The following IL1RAPL2 variants were observed in gnomAD, a reference collection of about 807,000 sequenced individuals.
IL1RAPL2 encodes interleukin 1 receptor accessory protein like 2.
A neutral mutation model predicts 44.1 loss-of-function variants in IL1RAPL2; 3 were observed. The ratio of observed to expected loss-of-function variants is 0.07; its 90% CI spans 0.03 to 0.18. IL1RAPL2 has a LOEUF of 0.18. Among genes scored for constraint, IL1RAPL2 ranks in the 10% least tolerant of loss-of-function variants. The pLI is 1.00. For synonymous variants in IL1RAPL2, 181 were observed against 178.8 expected (o/e 1.01, Z -0.10); for missense variants, 391 against 496.4 (o/e 0.79, Z 2.02).
At chrX:105,593,302 G>A (rs754706061) in intron 6 of IL1RAPL2, among the ~76,000 whole-genome samples, 1 of 111,516 alleles carries the variant, frequency 9.0e-6, no homozygotes. Flanking sequence ...TTTTTAAAAT[G>A]GCTATTTTGT....
chrX:105,361,446 G>A (rs931691181), intron 5 of IL1RAPL2, among the ~76,000 whole-genome samples: 6 of 111,374 alleles, frequency 5.4e-5, no homozygotes, highest in Non-Finnish European at 7.6e-5. Flanking sequence ...AAGAGTTGAA[G>A]CAGATTGCAA....
intron 6 of IL1RAPL2, among the ~76,000 whole-genome samples, chrX:105,627,676 A>T (rs1296990273): frequency 8.9e-6 from 1 of 111,957 alleles, no homozygotes; most frequent in African/African-American, 3.2e-5. Flanking sequence ...CAGAAAGTTG[A>T]TCTCTTAATG....
chrX:105,124,097 T>C (rs1359776888), intron 2 of IL1RAPL2, among the ~76,000 whole-genome samples: 2 of 111,442 alleles, frequency 1.8e-5, no homozygotes, highest in Non-Finnish European at 3.8e-5. Context: ...CATTTGTAAA[T>C]TGGCTTATAA....
chrX:105,740,419 C>A (rs868266480), intron 7 of IL1RAPL2, 127 bp from the exon 8 acceptor site: 5 of 608,495 alleles, frequency 8.2e-6, no homozygotes, highest in Middle Eastern at 4.4e-4. Context: ...CACACATACA[C>A]CCAGCCAGGA....
intron 2 of IL1RAPL2, among the ~76,000 whole-genome samples, chrX:104,889,954 C>A (rs1923372707): frequency 9.0e-6 from 1 of 110,682 alleles, no homozygotes; most frequent in Admixed American, 9.6e-5. Flanking sequence ...CCCCCCTACC[C>A]CCAACCCAAG....
chrX:104,826,938 C>CTTTTTTTTTTTTTTTTT (rs1176113214), intron 2 of IL1RAPL2, among the ~76,000 whole-genome samples: 43 of 34,870 alleles, frequency 1.2e-3, no homozygotes, highest in Admixed American at 1.8e-3. Context: ...GCAACCCCTG[C>CTTTTTTTTTTTTTTTTT]TTTTTTTTTT....
chrX:105,126,736 G>C (rs948219168), intron 2 of IL1RAPL2, among the ~76,000 whole-genome samples: 1 of 111,068 alleles, frequency 9.0e-6, no homozygotes, highest in Non-Finnish European at 1.9e-5. Context: ...CTTTATCTTA[G>C]TTCTCATTAT....
chrX:105,512,788 CTTTAAG>C (rs1283304954), intron 6 of IL1RAPL2, among the ~76,000 whole-genome samples: 5 of 111,172 alleles, frequency 4.5e-5, no homozygotes, highest in Admixed American at 1.9e-4. Flanking sequence ...TATTTTTATA[CTTTAAG>C]TTCTGGGGTA....
chrX:105,333,947 A>G (rs978985780), intron 5 of IL1RAPL2, among the ~76,000 whole-genome samples: 4 of 111,940 alleles, frequency 3.6e-5, no homozygotes, highest in Non-Finnish European at 7.5e-5. Flanking sequence ...TACAACCACT[A>G]TGGAGTCCAA....
At chrX:105,559,278 G>A (rs1448845645) in intron 6 of IL1RAPL2, among the ~76,000 whole-genome samples, 1 of 111,601 alleles carries the variant, frequency 9.0e-6, no homozygotes, top group Non-Finnish European at 1.9e-5. Flanking sequence ...AGAGTTTGTG[G>A]ATTTTTAATC....
At chrX:104,663,218 A>G (rs1569292278) in intron 2 of IL1RAPL2, among the ~76,000 whole-genome samples, 1 of 111,724 alleles carries the variant, frequency 9.0e-6, no homozygotes, top group Non-Finnish European at 1.9e-5. Context: ...TAGAATTTCC[A>G]GTTAGATAAC....
chrX:104,590,479 A>G (rs978171063), intron 1 of IL1RAPL2, among the ~76,000 whole-genome samples: 1 of 112,308 alleles, frequency 8.9e-6, no homozygotes, highest in Non-Finnish European at 1.9e-5. Context: ...TAGATGGAAC[A>G]TTCTCAAAAA....
At chrX:105,211,434 T>C (rs1402069042) in intron 3 of IL1RAPL2, among the ~76,000 whole-genome samples, 1 of 111,111 alleles carries the variant, frequency 9.0e-6, no homozygotes, top group African/African-American at 3.3e-5. Context: ...CATGTCGATT[T>C]GAGTCAATCA....
intron 2 of IL1RAPL2, among the ~76,000 whole-genome samples, chrX:104,894,781 C>T (rs960597594): frequency 8.9e-6 from 1 of 112,446 alleles, no homozygotes; most frequent in Non-Finnish European, 1.9e-5. Flanking sequence ...CTTCTTGTCT[C>T]AACTCATCAA....
intron 2 of IL1RAPL2, among the ~76,000 whole-genome samples, chrX:104,913,477 G>T (rs1055467216): frequency 9.0e-6 from 1 of 111,674 alleles, no homozygotes; most frequent in Non-Finnish European, 1.9e-5. Flanking sequence ...TGTTTGCTCT[G>T]GGTAGCCTAT....
intron 2 of IL1RAPL2, among the ~76,000 whole-genome samples, chrX:105,002,027 C>T (rs750597676): frequency 6.3e-5 from 7 of 110,698 alleles, no homozygotes; most frequent in Non-Finnish European, 1.3e-4. Context: ...TTCTGCAGAA[C>T]GAATTTCGGA....
intron 2 of IL1RAPL2, among the ~76,000 whole-genome samples, chrX:104,860,499 T>A (rs1922464915): frequency 8.9e-6 from 1 of 111,745 alleles, no homozygotes; most frequent in South Asian, 3.7e-4. Flanking sequence ...GTATAAAACA[T>A]CATCCTTACC....
rs139511234 is a variant in IL1RAPL2 at position 105,256,970 on chromosome X, T to C, written c.544-10418T>C. 1.8e-4 allele frequency among the ~76,000 whole-genome samples: 20 copies of C among 111,781 alleles called. No individual in the cohort carries two copies. The East Asian group carries it at 4.8e-3, about 27-fold the overall frequency. ...GTTCAGCTGTAATTTTTGTTATTTCTTGTCTTCTGCTAGTGTTGGAGTTGA... is the reference window on the plus strand; with the variant it reads ...GTTCAGCTGTAATTTTTGTTATTTCCTGTCTTCTGCTAGTGTTGGAGTTGA... On this transcript the variant is annotated intron_variant, in intron 4 of 10. Transcript: ENST00000372582.
intron 3 of IL1RAPL2, among the ~76,000 whole-genome samples, chrX:105,227,388 CTGTTT>C (rs1374834732): frequency 1.1e-3 from 119 of 110,828 alleles, no homozygotes; most frequent in Non-Finnish European, 1.5e-3. Flanking sequence ...ATTCTTTGTT[CTGTTT>C]TGTTTTATTT....
Sources: gnomAD v4.1 joint callset for allele counts (sites outside exome capture counted in the v4.1 genomes callset) on GRCh38, gnomAD v4.1.1 for gene constraint, MANE v1.5 for transcripts, NCBI Gene and HGNC (gene_info 2026-07-23, HGNC 2026-07-21) for gene names.